HIVEP2: variants seen among roughly 807,000 people sequenced by gnomAD.
The protein encoded by HIVEP2 is HIVEP zinc finger 2, also known as transcription factor HIVEP2.
A neutral mutation model predicts 180.7 loss-of-function variants in HIVEP2; 14 were observed. That is an observed-to-expected ratio of 0.08 (90% confidence interval 0.05 to 0.12). The LOEUF is 0.12. Among genes scored for constraint, HIVEP2 ranks in the 10% least tolerant of loss-of-function variants. HIVEP2 has a pLI of 1.00. For synonymous variants in HIVEP2, 1,184 were observed against 1,136.4 expected (o/e 1.04, Z -0.84); for missense variants, 2,579 against 3,008.5 (o/e 0.86, Z 3.34).
intron 2 of HIVEP2, among the ~76,000 whole-genome samples, chr6:142,808,747 G>C (rs1365220249): frequency 6.6e-6 from 1 of 151,582 alleles, no homozygotes; most frequent in Non-Finnish European, 1.5e-5. Flanking sequence ...ATGGGGGATA[G>C]AGGCAGGGAG....
At chr6:142,910,906 A>C (rs1777386794) in intron 1 of HIVEP2, among the ~76,000 whole-genome samples, 3 of 152,186 alleles carry the variant, frequency 2.0e-5, no homozygotes, top group African/African-American at 7.2e-5. Context: ...CGTGCATGAT[A>C]CAGCTTGAAT....
At chr6:142,817,899 G>A (rs541143409) in intron 2 of HIVEP2, among the ~76,000 whole-genome samples, 3 of 152,004 alleles carry the variant, frequency 2.0e-5, no homozygotes, top group South Asian at 2.1e-4. Context: ...CCAGCTACCC[G>A]GGAGGCTGAG....
chr6:142,770,981 G>C lies in HIVEP2; in HGVS notation c.3758C>G (p.Ser1253Trp), dbSNP rs1242609751. 3 of 1,614,168 alleles carry C rather than the reference G, an allele frequency of 1.9e-6. No homozygotes were observed. The highest frequency in any genetic ancestry group is 2.5e-6 in the Non-Finnish European group (3 of 1,180,026). Residue 1253 changes from serine to tryptophan, a missense_variant, in exon 5 of 10, where the codon TCG (serine) becomes TGG (tryptophan). Physicochemically the swap from Ser to Trp is radical, Grantham distance 177 (BLOSUM62 -3). Around this residue, in one of 11 missense-constraint regions of HIVEP2, gnomAD observed 523 missense variants for 577.0 expected, o/e 0.91. Coordinates refer to ENST00000367603, the MANE Select transcript of HIVEP2 (RefSeq NM_006734.4). The surrounding 1 kb of genome is among the most constrained non-coding windows in gnomAD (Gnocchi z 4.7). ...TGCCACATGCTCTAAGGGATAGCTC[G>C]AATGGATTTCTGTCTGAAAAGAGGG... ...GKPSFQTEIH[S>W]SYPLEHVAEH...
intron 2 of HIVEP2, among the ~76,000 whole-genome samples, chr6:142,825,334 C>T (rs890114659): frequency 1.3e-5 from 2 of 151,796 alleles, no homozygotes; most frequent in African/African-American, 2.4e-5. Context: ...CCCAAAAGCA[C>T]GAGGCTGAGT....
Position 142,759,791 on chromosome 6 carries a change from G to A in HIVEP2, c.6497C>T (p.Pro2166Leu). The A allele has an allele frequency of 6.2e-7, 1 of 1,604,874 alleles. No individual in the cohort carries two copies. The highest frequency in any genetic ancestry group is 8.5e-7 in the Non-Finnish European group (1 of 1,176,864). Residue 2166 changes from proline (P) to leucine (L), a missense_variant, in exon 9 of 10, where the codon CCA (proline) becomes CTA (leucine). Physicochemically the swap from Pro to Leu is moderately conservative, Grantham distance 98. Around this residue, in one of 11 missense-constraint regions of HIVEP2, gnomAD observed 660 missense variants for 731.7 expected, o/e 0.90. Coordinates refer to ENST00000367603, the MANE Select transcript of HIVEP2 (RefSeq NM_006734.4). The part of the protein sequence containing the change: ...LSMGQYLQAE[P>L]IVLGPPNLRR... ...ACTTACAGGAGGCCCCAATACAATTGGCTCTGCTTGCAAATACTGTCCCAT... is the reference window on the plus strand; with the variant it reads ...ACTTACAGGAGGCCCCAATACAATTAGCTCTGCTTGCAAATACTGTCCCAT...
At chr6:142,834,369 A>G (rs1385307569) in intron 2 of HIVEP2, among the ~76,000 whole-genome samples, 1 of 152,222 alleles carries the variant, frequency 6.6e-6, no homozygotes, top group Non-Finnish European at 1.5e-5. Context: ...AATTACTAAC[A>G]GTAATAATTG....
intron 6 of HIVEP2, 77 bp downstream of exon 6, chr6:142,768,305 C>A (rs146316954): frequency 1.5e-6 from 2 of 1,375,632 alleles, no homozygotes; most frequent in African/African-American, 1.5e-5. Flanking sequence ...TAGACAGTAC[C>A]TTTTCCATGC....
intron 1 of HIVEP2, among the ~76,000 whole-genome samples, chr6:142,849,529 T>C (rs150686401): frequency 6.6e-6 from 1 of 152,022 alleles, no homozygotes; most frequent in East Asian, 1.9e-4. Context: ...TTTTTTTTTT[T>C]TTTGAGACAA....
chr6:142,860,795 C>A (rs772921331), intron 1 of HIVEP2, among the ~76,000 whole-genome samples: 1 of 152,190 alleles, frequency 6.6e-6, no homozygotes, highest in Non-Finnish European at 1.5e-5. Flanking sequence ...CACTAGTGAT[C>A]CGTAGCCCAG....
chr6:142,803,082 T>C (rs974704666), intron 2 of HIVEP2, among the ~76,000 whole-genome samples: 1 of 152,206 alleles, frequency 6.6e-6, no homozygotes, highest in African/African-American at 2.4e-5. Flanking sequence ...CTGTAGTATA[T>C]ACTTTTAAAT....
At chr6:142,860,176 A>G (rs1405126887) in intron 1 of HIVEP2, among the ~76,000 whole-genome samples, 1 of 152,228 alleles carries the variant, frequency 6.6e-6, no homozygotes, top group Non-Finnish European at 1.5e-5. Context: ...TATGTTATGT[A>G]CATGTATTGA....
intron 1 of HIVEP2, among the ~76,000 whole-genome samples, chr6:142,904,199 C>A (rs1355103822): frequency 6.6e-6 from 1 of 152,186 alleles, no homozygotes; most frequent in Non-Finnish European, 1.5e-5. Flanking sequence ...TGGGAAATTA[C>A]AAAGATGAAT....
At chr6:142,893,949 T>C (rs912087237) in intron 1 of HIVEP2, among the ~76,000 whole-genome samples, 4 of 152,218 alleles carry the variant, frequency 2.6e-5, no homozygotes, top group Non-Finnish European at 4.4e-5. Flanking sequence ...TACATAATCA[T>C]GATAAAGCCA....
intron 2 of HIVEP2, among the ~76,000 whole-genome samples, chr6:142,801,254 T>C (rs534223522): frequency 6.8e-6 from 1 of 147,356 alleles, no homozygotes; most frequent in African/African-American, 2.5e-5. Context: ...GGTACTATGA[T>C]AGCATGAAAA....
intron 1 of HIVEP2, among the ~76,000 whole-genome samples, chr6:142,900,376 T>A (rs1041716971): frequency 6.6e-6 from 1 of 152,110 alleles, no homozygotes; most frequent in Non-Finnish European, 1.5e-5. Flanking sequence ...AATACCCACT[T>A]CACCAATCAC....
At chr6:142,930,929 T>C (rs1777929105) in intron 1 of HIVEP2, among the ~76,000 whole-genome samples, 1 of 152,178 alleles carries the variant, frequency 6.6e-6, no homozygotes, top group Non-Finnish European at 1.5e-5. Flanking sequence ...TAGAGCTAAA[T>C]CTAAAATGTA....
chr6:142,880,946 T>G (rs926570473), intron 1 of HIVEP2, among the ~76,000 whole-genome samples: 9 of 152,208 alleles, frequency 5.9e-5, no homozygotes, highest in African/African-American at 2.2e-4. Context: ...GTAAGGCATC[T>G]TTAACATCTC....
At chr6:142,884,640 G>C (rs1352425977) in intron 1 of HIVEP2, among the ~76,000 whole-genome samples, 1 of 152,084 alleles carries the variant, frequency 6.6e-6, no homozygotes, top group East Asian at 1.9e-4. Flanking sequence ...CATAGGGTAA[G>C]GATAGAGACA....
chr6:142,904,696 A>G (rs1777219439), intron 1 of HIVEP2, among the ~76,000 whole-genome samples: 1 of 152,236 alleles, frequency 6.6e-6, no homozygotes, highest in Non-Finnish European at 1.5e-5. Flanking sequence ...CCTTTAAAAG[A>G]ACAAAGGAAC....
Sources: allele counts gnomAD v4.1 joint callset (sites outside exome capture counted in the v4.1 genomes callset), GRCh38; gene constraint gnomAD v4.1.1; regional missense constraint gnomAD v4.1.1; non-coding constraint Gnocchi (gnomAD v3.1); transcripts MANE v1.5; gene names NCBI Gene and HGNC (gene_info 2026-07-23, HGNC 2026-07-21).